The following THRB variants were observed in gnomAD, a reference collection of about 807,000 sequenced individuals.
The protein encoded by THRB is nuclear receptor subfamily 1 group A member 2.
In THRB, 12 loss-of-function variants were observed where a neutral mutation model predicts 47.8. The observed-to-expected ratio is 0.25, with a 90% CI of 0.16 to 0.41. THRB has a LOEUF of 0.41. Among genes scored for constraint, THRB ranks in the 10% least tolerant of loss-of-function variants. The pLI, the probability that THRB is intolerant of heterozygous loss-of-function variation, is 1.00. For synonymous variants in THRB, 218 were observed against 212.2 expected, an observed-to-expected ratio of 1.03 and a Z score of -0.24; for missense variants, 348 against 589.2, an observed-to-expected ratio of 0.59 and a Z score of 4.24.
chr3:24,249,496 T>G (rs1006590265), intron 3 of THRB, among the ~76,000 whole-genome samples: 2 of 152,136 alleles, frequency 1.3e-5, no homozygotes, highest in African/African-American at 4.8e-5. Context: ...ACAAGAAAAC[T>G]TGTTCCTTCT....
At chr3:24,351,357 G>C (rs531965045) in intron 1 of THRB, among the ~76,000 whole-genome samples, 1 of 152,144 alleles carries the variant, frequency 6.6e-6, no homozygotes, top group Non-Finnish European at 1.5e-5. Flanking sequence ...TTCTGTTCTT[G>C]CCTTCACATC....
At chr3:24,403,533 T>C (rs2067590437) in intron 1 of THRB, among the ~76,000 whole-genome samples, 1 of 151,930 alleles carries the variant, frequency 6.6e-6, no homozygotes, top group African/African-American at 2.4e-5. Flanking sequence ...TTTCACTGTG[T>C]TGACATTTGC....
Position 24,122,443 on chromosome 3 carries a change from C to A in THRB, c.*441G>T. 4.5e-6 allele frequency: 1 copy of A among 222,260 alleles called. No individual in the cohort carries two copies. Among genetic ancestry groups the A allele is most frequent in the East Asian group, 1.0e-4 (1 of 9,548 alleles). The allele number at this position is 222,260 out of a possible 1,614,324, so 13.8% of individuals were successfully genotyped here. On this transcript the variant is annotated 3_prime_UTR_variant, in exon 11 of 11. Coordinates refer to ENST00000646209, the MANE Select transcript of THRB (RefSeq NM_001354712.2). ...AGTCTTTCCCTAAAAGGCTGAAAGC[C>A]ACATCTAACTAAAGGTGGTCTGTGC... is the stretch of plus-strand genomic sequence containing the variant.
chr3:24,401,581 C>G lies in THRB; in HGVS notation c.-260-64210G>C, dbSNP rs558574915. On this transcript the variant is annotated intron_variant, in intron 1 of 10. Transcript: ENST00000646209. ...TTACTGCTACTGCTTCCACGTCTAT[C>G]AATAACTCTGCCTAGCCTCCTAATG... Among the ~76,000 whole-genome samples, 4 of 152,162 alleles carry G rather than the reference C, an allele frequency of 2.6e-5. No individual in the cohort carries two copies. The South Asian group carries it at 8.3e-4, about 32-fold the overall frequency.
At chr3:24,482,906 G>T (rs970172427) in intron 1 of THRB, among the ~76,000 whole-genome samples, 4 of 152,086 alleles carry the variant, frequency 2.6e-5, no homozygotes, top group African/African-American at 9.7e-5. Context: ...TCAGAAATAG[G>T]CTTGTGAAGT....
intron 3 of THRB, among the ~76,000 whole-genome samples, chr3:24,289,881 C>G (rs1179087390): frequency 7.2e-5 from 11 of 152,074 alleles, no homozygotes; most frequent in Admixed American, 7.2e-4. Context: ...GGTGACAAAC[C>G]TAAAATCTCT....
chr3:24,238,797 G>C (rs2049182534), intron 3 of THRB, among the ~76,000 whole-genome samples: 1 of 152,046 alleles, frequency 6.6e-6, no homozygotes, highest in Admixed American at 6.5e-5. Flanking sequence ...AAATTCCCTT[G>C]AAGATGAAAA....
chr3:24,241,538 C>T (rs960320040), intron 3 of THRB, among the ~76,000 whole-genome samples: 1 of 152,178 alleles, frequency 6.6e-6, no homozygotes, highest in Admixed American at 6.5e-5. Context: ...TGTCACCCTT[C>T]CTTGGATGGT....
chr3:24,457,572 A>G (rs957579556), intron 1 of THRB, among the ~76,000 whole-genome samples: 9 of 152,316 alleles, frequency 5.9e-5, no homozygotes, highest in Middle Eastern at 3.4e-3. Flanking sequence ...AAAGGCAACA[A>G]ACTAGTGACA....
intron 1 of THRB, among the ~76,000 whole-genome samples, chr3:24,480,521 T>A (rs966156406): frequency 6.6e-6 from 1 of 152,182 alleles, no homozygotes. Flanking sequence ...ATACTCCTTA[T>A]TAGGGCCAAT....
chr3:24,354,629 C>T (rs75500103), intron 1 of THRB, among the ~76,000 whole-genome samples: 2,544 of 152,108 alleles, frequency 0.017, 76 homozygotes, highest in African/African-American at 0.056. Context: ...GAAGGAAATC[C>T]GAATGGAAGG....
intron 1 of THRB, among the ~76,000 whole-genome samples, chr3:24,465,713 C>T (rs1228036496): frequency 6.6e-6 from 1 of 152,042 alleles, no homozygotes; most frequent in Admixed American, 6.6e-5. Flanking sequence ...CTAGAATTTT[C>T]CTTTAATCTG....
At chr3:24,434,913 T>C (rs1371257587) in intron 1 of THRB, among the ~76,000 whole-genome samples, 1 of 152,210 alleles carries the variant, frequency 6.6e-6, no homozygotes, top group African/African-American at 2.4e-5. Flanking sequence ...CATCGGAATT[T>C]TACTGTGTAG....
At chr3:24,300,267 A>G (rs2149089696) in intron 2 of THRB, among the ~76,000 whole-genome samples, 1 of 152,338 alleles carries the variant, frequency 6.6e-6, no homozygotes, top group South Asian at 2.1e-4. Context: ...ACTCAAAAGA[A>G]AGGAATTTTT....
chr3:24,218,583 T>A (rs1017142922), intron 4 of THRB, among the ~76,000 whole-genome samples: 2 of 151,770 alleles, frequency 1.3e-5, no homozygotes, highest in African/African-American at 4.9e-5. Context: ...TTCTGTTGGC[T>A]GTTTTCTCCA....
At chr3:24,272,553 A>G (rs1251244471) in intron 3 of THRB, among the ~76,000 whole-genome samples, 1 of 152,176 alleles carries the variant, frequency 6.6e-6, no homozygotes, top group Non-Finnish European at 1.5e-5. Context: ...CTTAAAGGAT[A>G]CTGATACTAC....
chr3:24,202,092 C>T lies in THRB; in HGVS notation c.23-11758G>A, dbSNP rs182209136. ...GCCCAAGTAGGATTAGCTGAGCATG[C>T]GACACCCTTTATGGGAAGTCAACAC... On this transcript the variant is annotated intron_variant, in intron 4 of 10. Coordinates refer to ENST00000646209, the MANE Select transcript of THRB (RefSeq NM_001354712.2). Among the ~76,000 whole-genome samples the T allele has an allele frequency of 8.5e-5, 13 of 152,206 alleles. No homozygotes were observed. The East Asian group carries it at 1.2e-3, about 14-fold the overall frequency.
chr3:24,383,174 T>C (rs1310221574), intron 1 of THRB, among the ~76,000 whole-genome samples: 3 of 152,172 alleles, frequency 2.0e-5, no homozygotes, highest in African/African-American at 7.2e-5. Flanking sequence ...GTAATATGTG[T>C]TTTTGCTTAA....
intron 1 of THRB, among the ~76,000 whole-genome samples, chr3:24,408,448 A>C (rs1032057476): frequency 1.3e-5 from 2 of 151,826 alleles, no homozygotes; most frequent in African/African-American, 4.8e-5. Flanking sequence ...ACATATGTTT[A>C]GTATTTGGCT....
Sources: allele counts gnomAD v4.1 joint callset (sites outside exome capture counted in the v4.1 genomes callset), GRCh38; gene constraint gnomAD v4.1.1; transcripts MANE v1.5; gene names NCBI Gene and HGNC (gene_info 2026-07-23, HGNC 2026-07-21).